Variants in PATJ observed in about 807,000 individuals in gnomAD.
The protein encoded by PATJ is inaD-like protein.
Under a neutral mutation model 224.9 loss-of-function variants are expected in PATJ, and 190 were observed. That is an observed-to-expected ratio of 0.84 (90% confidence interval 0.75 to 0.95). The LOEUF (loss-of-function observed/expected upper bound fraction) is 0.95. Among genes scored for constraint, PATJ ranks in the 40% least tolerant of loss-of-function variants. The pLI, the probability that PATJ is intolerant of heterozygous loss-of-function variation, is 0.00. For missense variants in PATJ, 2,121 were observed against 2,270.3 expected, an observed-to-expected ratio of 0.93 and a Z score of 1.34; for synonymous variants, 769 against 820.3, an observed-to-expected ratio of 0.94 and a Z score of 1.07.
At chr1:61,909,684 T>TAC (rs1192453358) in intron 25 of PATJ, among the ~76,000 whole-genome samples, 2 of 152,186 alleles carry the variant, frequency 1.3e-5, no homozygotes, top group African/African-American at 4.8e-5. Context: ...TCCCCAGGCT[T>TAC]ACATATGCAC....
rs1403550871 is a variant in PATJ, at chr1:61,787,824, A to G, written c.920A>G (p.Glu307Gly). 6.2e-7 allele frequency: 1 copy of G among 1,614,052 alleles called. No homozygotes were observed. Among genetic ancestry groups the G allele is most frequent in the East Asian group, 2.2e-5 (1 of 44,900 alleles). ...GGTNVQGMTS[E>G]QVAQVLRNCG... The stretch of plus-strand genomic sequence containing the variant: ...ACAAACGTGCAGGGAATGACCAGTG[A>G]GCAAGTTGCACAAGTTCTAAGGAAC... The change falls in exon 8 of 44, where the codon GAG becomes GGG. Residue 307 changes from glutamate (E) to glycine (G), a missense_variant. Transcript: ENST00000642238.
intron 27 of PATJ, among the ~76,000 whole-genome samples, chr1:61,942,952 C>G (rs1678041160): frequency 1.3e-5 from 2 of 152,196 alleles, no homozygotes; most frequent in Admixed American, 6.5e-5. Context: ...CACACAAACT[C>G]TACTCCACAG....
rs750708936 is a variant in PATJ, at chr1:62,114,049, C to G, written c.4462-4C>G. 5.6e-6 allele frequency: 9 copies of G among 1,613,460 alleles called. No homozygotes were observed. The highest frequency in any genetic ancestry group is 6.8e-6 in the Non-Finnish European group (8 of 1,179,702). ...AGCCCAGCTCAGGATGCCCATTGTT[C>G]CAGGTTAATGGGGTTGACCTGAGGA... is the stretch of plus-strand genomic sequence containing the variant. On this transcript the variant is annotated splice_polypyrimidine_tract_variant and splice_region_variant and intron_variant, in intron 34 of 43. Coordinates refer to ENST00000642238, the MANE Select transcript of PATJ (RefSeq NM_001350145.3).
chr1:61,795,143 T>C (rs986099602), intron 9 of PATJ, among the ~76,000 whole-genome samples: 1 of 143,624 alleles, frequency 7.0e-6, no homozygotes, highest in Non-Finnish European at 1.5e-5. Context: ...GCCACATCAG[T>C]AATAAGAGTA....
At chr1:61,753,254 G>T (rs536462537) in intron 1 of PATJ, among the ~76,000 whole-genome samples, 9 of 152,064 alleles carry the variant, frequency 5.9e-5, no homozygotes, top group African/African-American at 1.7e-4. Flanking sequence ...AAACTCCCTG[G>T]TTCAATGAGC....
intron 25 of PATJ, among the ~76,000 whole-genome samples, chr1:61,909,411 T>C (rs939993419): frequency 1.3e-5 from 2 of 152,184 alleles, no homozygotes; most frequent in African/African-American, 4.8e-5. Context: ...CTGGAAGCAA[T>C]ATTCAATATT....
At chr1:61,745,755 C>T (rs922381271) in intron 1 of PATJ, among the ~76,000 whole-genome samples, 1 of 150,982 alleles carries the variant, frequency 6.6e-6, no homozygotes, top group Non-Finnish European at 1.5e-5. Context: ...AGGCGCCTGC[C>T]ACCACACCTG....
At chr1:61,967,541 A>C (rs773812937) in intron 27 of PATJ, among the ~76,000 whole-genome samples, 1 of 152,352 alleles carries the variant, frequency 6.6e-6, no homozygotes, top group Middle Eastern at 3.4e-3. Flanking sequence ...TTTGTAAAAG[A>C]GACAGTGATT....
rs144768214 is a variant in PATJ, at chr1:62,099,284, T to C, written c.4378-9153T>C. ...TACATCCTTCCTCCAAGGCCACAGA[T>C]CCAAACCATAGTTTTTTTCAAAGGA... is the stretch of plus-strand genomic sequence containing the variant. On this transcript the variant is annotated intron_variant, in intron 33 of 43. Coordinates refer to ENST00000642238, the MANE Select transcript of PATJ (RefSeq NM_001350145.3). Among the ~76,000 whole-genome samples, 456 of 148,510 alleles carry C rather than the reference T, an allele frequency of 3.1e-3. 3 individuals carry two copies. Among genetic ancestry groups the C allele is most frequent in the African/African-American group, 0.011 (433 of 40,538 alleles).
At chr1:61,885,220 C>A (rs113826814) in intron 22 of PATJ, among the ~76,000 whole-genome samples, 13,412 of 152,074 alleles carry the variant, frequency 0.088, 739 homozygotes, top group South Asian at 0.25. Flanking sequence ...GCAAAAGAAA[C>A]TACCATCAGA....
At chr1:61,828,545 A>G (rs1048868153) in intron 16 of PATJ, among the ~76,000 whole-genome samples, 1 of 151,684 alleles carries the variant, frequency 6.6e-6, no homozygotes, top group African/African-American at 2.4e-5. Context: ...ACATGCCACC[A>G]CACCCAGCTA....
intron 11 of PATJ, among the ~76,000 whole-genome samples, chr1:61,797,715 C>T (rs537677661): frequency 6.6e-5 from 10 of 152,184 alleles, no homozygotes; most frequent in East Asian, 3.9e-4. Flanking sequence ...TCATTGATTA[C>T]GTATATTTGA....
At chr1:61,993,632 G>A (rs1402795881) in intron 28 of PATJ, among the ~76,000 whole-genome samples, 1 of 151,120 alleles carries the variant, frequency 6.6e-6, no homozygotes, top group Non-Finnish European at 1.5e-5. Flanking sequence ...CAGGAACCCA[G>A]ATCAGAGACC....
At chr1:62,043,728 G>C (rs370826293) in intron 30 of PATJ, among the ~76,000 whole-genome samples, 64 of 151,380 alleles carry the variant, frequency 4.2e-4, no homozygotes, top group African/African-American at 1.3e-3. Flanking sequence ...TTTTGGTTTG[G>C]GGGGGGCAGT....
chr1:61,991,214 T>TGATGAC (rs1553233747), intron 28 of PATJ, among the ~76,000 whole-genome samples: 62 of 147,758 alleles, frequency 4.2e-4, no homozygotes, highest in African/African-American at 1.5e-3. Flanking sequence ...ATGATGATGA[T>TGATGAC]GATGACAATA....
intron 22 of PATJ, among the ~76,000 whole-genome samples, chr1:61,892,207 A>G (rs552327522): frequency 6.6e-6 from 1 of 152,278 alleles, no homozygotes; most frequent in South Asian, 2.1e-4. Context: ...ATCATAGAAT[A>G]TTGCCATATA....
intron 18 of PATJ, among the ~76,000 whole-genome samples, chr1:61,857,401 A>G (rs992562056): frequency 1.3e-5 from 2 of 152,218 alleles, no homozygotes; most frequent in African/African-American, 4.8e-5. Context: ...AACTTACCCA[A>G]GTTCTTATAA....
At chr1:61,945,911 C>A (rs1403460874) in intron 27 of PATJ, among the ~76,000 whole-genome samples, 1 of 152,206 alleles carries the variant, frequency 6.6e-6, no homozygotes, top group African/African-American at 2.4e-5. Context: ...GATTAAGAAA[C>A]TCACTCAAAA....
At chr1:61,957,579 C>T (rs761616515) in intron 27 of PATJ, among the ~76,000 whole-genome samples, 17 of 152,022 alleles carry the variant, frequency 1.1e-4, no homozygotes, top group Non-Finnish European at 2.1e-4. Flanking sequence ...GGGCAAGTTA[C>T]GGGATAGTTT....
Sources: gnomAD v4.1 joint callset for allele counts (sites outside exome capture counted in the v4.1 genomes callset) on GRCh38, gnomAD v4.1.1 for gene constraint, MANE v1.5 for transcripts, NCBI Gene and HGNC (gene_info 2026-07-23, HGNC 2026-07-21) for gene names.